The following SLC44A5 variants were observed in gnomAD, a reference collection of about 807,000 sequenced individuals.
SLC44A5 encodes the protein choline transporter-like protein 5.
SLC44A5 carries 57 observed loss-of-function variants against 101.8 expected under a neutral mutation model. That is an observed-to-expected ratio of 0.56 (90% CI 0.45 to 0.70). The LOEUF (loss-of-function observed/expected upper bound fraction) is 0.70. SLC44A5 is among the 30% of genes least tolerant of loss of function. The pLI is 0.00. For synonymous variants in SLC44A5, 281 were observed against 290.9 expected (o/e 0.97, Z 0.35); for missense variants, 737 against 853.1 (o/e 0.86, Z 1.70).
chr1:75,356,374 C>T (rs371250378), intron 3 of SLC44A5, among the ~76,000 whole-genome samples: 2 of 151,634 alleles, frequency 1.3e-5, no homozygotes, highest in South Asian at 2.1e-4. Flanking sequence ...TAGGCCTAGG[C>T]TAACATGTAT....
At chr1:75,360,668 C>T (rs754057382) in intron 3 of SLC44A5, among the ~76,000 whole-genome samples, 1 of 152,056 alleles carries the variant, frequency 6.6e-6, no homozygotes, top group Non-Finnish European at 1.5e-5. Context: ...CATTGTTAAA[C>T]GTGTCTGTTT....
intron 2 of SLC44A5, among the ~76,000 whole-genome samples, chr1:75,490,755 A>G (rs1310314607): frequency 2.0e-5 from 3 of 152,216 alleles, no homozygotes; most frequent in Non-Finnish European, 4.4e-5. Flanking sequence ...TGGATAGCAC[A>G]GAATAGAAAG....
intron 3 of SLC44A5, among the ~76,000 whole-genome samples, chr1:75,348,134 T>C (rs1428223098): frequency 3.3e-5 from 5 of 151,146 alleles, no homozygotes; most frequent in South Asian, 2.1e-4. Context: ...GGCTCCCTTC[T>C]CTCTCTCTCT....
chr1:75,501,789 T>C (rs562675559), intron 2 of SLC44A5, among the ~76,000 whole-genome samples: 4 of 152,308 alleles, frequency 2.6e-5, no homozygotes, highest in African/African-American at 9.6e-5. Flanking sequence ...AATTGTTATC[T>C]GAATCAAAAG....
intron 1 of SLC44A5, among the ~76,000 whole-genome samples, chr1:75,599,769 G>T (rs1674863701): frequency 6.6e-6 from 1 of 152,168 alleles, no homozygotes; most frequent in Non-Finnish European, 1.5e-5. Context: ...ATAAAAGAAT[G>T]TGTATGGCCC....
intron 3 of SLC44A5, among the ~76,000 whole-genome samples, chr1:75,393,559 G>A (rs1450293967): frequency 6.6e-6 from 1 of 152,104 alleles, no homozygotes; most frequent in Non-Finnish European, 1.5e-5. Context: ...CTGTACTTTA[G>A]GCTAATATAT....
intron 4 of SLC44A5, among the ~76,000 whole-genome samples, chr1:75,312,771 G>T (rs1445542874): frequency 6.6e-6 from 1 of 151,952 alleles, no homozygotes; most frequent in Non-Finnish European, 1.5e-5. Flanking sequence ...TGACTGAATA[G>T]CCCTCAGTGT....
At chr1:75,706,743 A>G in the SLC44A5 span, among the ~76,000 whole-genome samples, 3 of 152,058 alleles carry the variant, frequency 2.0e-5, no homozygotes, top group African/African-American at 7.2e-5. Flanking sequence ...GATTTCTGTC[A>G]TATTATCCCA....
At chr1:75,465,759 C>T (rs1238615584) in intron 2 of SLC44A5, among the ~76,000 whole-genome samples, 1 of 151,936 alleles carries the variant, frequency 6.6e-6, no homozygotes, top group Non-Finnish European at 1.5e-5. Flanking sequence ...CAACTATATG[C>T]CAATAAATTA....
chr1:75,570,960 G>A (rs1402781493), intron 1 of SLC44A5, among the ~76,000 whole-genome samples: 3 of 152,042 alleles, frequency 2.0e-5, no homozygotes, highest in Non-Finnish European at 4.4e-5. Context: ...AACATCTCCC[G>A]TACCCAGAGC....
chr1:75,578,041 T>C (rs1673470423), intron 1 of SLC44A5, among the ~76,000 whole-genome samples: 1 of 152,140 alleles, frequency 6.6e-6, no homozygotes, highest in Admixed American at 6.5e-5. Flanking sequence ...AACTCATGAC[T>C]ATCAAGCTCC....
At chr1:75,334,972 A>G (rs1412018512) in intron 4 of SLC44A5, among the ~76,000 whole-genome samples, 2 of 152,182 alleles carry the variant, frequency 1.3e-5, no homozygotes, top group Non-Finnish European at 2.9e-5. Context: ...CAGTTAAGCC[A>G]TGAGCTCCAC....
intron 3 of SLC44A5, among the ~76,000 whole-genome samples, chr1:75,385,986 A>C (rs1661309699): frequency 1.3e-5 from 2 of 152,218 alleles, no homozygotes; most frequent in Non-Finnish European, 2.9e-5. Context: ...GATGCAGAAA[A>C]AGCCTTTGAC....
At chr1:75,589,800 CT>C (rs1674242778) in intron 1 of SLC44A5, among the ~76,000 whole-genome samples, 1 of 152,104 alleles carries the variant, frequency 6.6e-6, no homozygotes, top group Non-Finnish European at 1.5e-5. Flanking sequence ...CAGTGATGTT[CT>C]GTGAGAGCAG....
chr1:75,330,014 T>C (rs1278193109), intron 4 of SLC44A5, among the ~76,000 whole-genome samples: 1 of 151,746 alleles, frequency 6.6e-6, no homozygotes, highest in Non-Finnish European at 1.5e-5. Context: ...AAATCATTGT[T>C]CTTCATCACT....
chr1:75,686,846 T>C, the SLC44A5 span, among the ~76,000 whole-genome samples: 1 of 152,136 alleles, frequency 6.6e-6, no homozygotes, highest in Non-Finnish European at 1.5e-5. Flanking sequence ...TCAACAGGAT[T>C]TGCTGAACGT....
chr1:75,203,789 A>G lies in SLC44A5; in HGVS notation c.2092T>C (p.Tyr698His), dbSNP rs564744212. 23 of 1,550,248 alleles carry G rather than the reference A, an allele frequency of 1.5e-5. No individual in the cohort carries two copies. In the African/African-American group the frequency reaches 2.9e-4, roughly 19 times the overall value. ...RNDGSTARPY[Y>H]VSQPLLKIFQ... ...ATCTTCAGCAAAGGTTGACTCACATAATAAGGTCTTGCAGTAGAACCATCA... is the reference window on the plus strand; with the variant it reads ...ATCTTCAGCAAAGGTTGACTCACATGATAAGGTCTTGCAGTAGAACCATCA... Residue 698 changes from tyrosine to histidine, a missense_variant, in exon 24 of 24, where the codon TAT (tyrosine) becomes CAT (histidine). By Grantham distance (83) the Tyr-to-His change is moderately conservative (BLOSUM62 2). Transcript: ENST00000370859.
At chr1:75,311,674 G>C in intron 4 of SLC44A5, 1 of 461,518 alleles carries the variant, frequency 2.2e-6, no homozygotes, top group Non-Finnish European at 2.8e-6. Context: ...ACACAGATGA[G>C]ATGCTTTCTC....
At chr1:75,300,754 G>A (rs1484237437) in intron 4 of SLC44A5, 69 bp from the exon 5 acceptor site, 2 of 986,700 alleles carry the variant, frequency 2.0e-6, no homozygotes, top group Non-Finnish European at 2.9e-6. Flanking sequence ...TGCACAAAAT[G>A]AAGGAAGAGA....
Sources: gnomAD v4.1 joint callset for allele counts (sites outside exome capture counted in the v4.1 genomes callset) on GRCh38, gnomAD v4.1.1 for gene constraint, MANE v1.5 for transcripts, NCBI Gene and HGNC (gene_info 2026-07-23, HGNC 2026-07-21) for gene names.